Variants in LDB2 observed in about 807,000 individuals in gnomAD.
LDB2 encodes LIM domain-binding protein 2.
A neutral mutation model predicts 44.3 loss-of-function variants in LDB2; 12 were observed. The observed-to-expected ratio is 0.27, with a 90% CI of 0.17 to 0.44. LDB2 has a LOEUF of 0.44. Ranked by LOEUF, LDB2 falls within the 20% of genes least tolerant of loss-of-function variation. LDB2 has a pLI of 1.00. For synonymous variants in LDB2, 164 were observed against 174.8 expected, an observed-to-expected ratio of 0.94 and a Z score of 0.49; for missense variants, 344 against 473.5, an observed-to-expected ratio of 0.73 and a Z score of 2.54.
chr4:16,523,765 T>G (rs376260764), intron 5 of LDB2, among the ~76,000 whole-genome samples: 19 of 152,328 alleles, frequency 1.2e-4, no homozygotes, highest in East Asian at 1.2e-3. Context: ...AGTGTGGGGT[T>G]TCATCACGCT....
At chr4:16,536,347 G>A (rs1731857332) in intron 5 of LDB2, among the ~76,000 whole-genome samples, 1 of 152,138 alleles carries the variant, frequency 6.6e-6, no homozygotes, top group East Asian at 1.9e-4. Flanking sequence ...AAATGTCTGA[G>A]GGCTGTGGCT....
At chr4:16,681,661 C>T (rs1293744155) in intron 2 of LDB2, among the ~76,000 whole-genome samples, 4 of 106,978 alleles carry the variant, frequency 3.7e-5, no homozygotes, top group Non-Finnish European at 5.1e-5. Flanking sequence ...GAGTCTCGCT[C>T]TGTCACCCAG....
At chr4:16,614,456 G>A (rs1043171080) in intron 2 of LDB2, among the ~76,000 whole-genome samples, 14 of 151,834 alleles carry the variant, frequency 9.2e-5, no homozygotes, top group Admixed American at 1.3e-4. Flanking sequence ...GCACAGCAAA[G>A]GAAACTATCA....
At chr4:16,746,435 A>ATT (rs60434109) in intron 2 of LDB2, among the ~76,000 whole-genome samples, 33 of 151,526 alleles carry the variant, frequency 2.2e-4, no homozygotes, top group African/African-American at 6.8e-4. Context: ...GACAGTCTTG[A>ATT]TTTTTTTTTC....
In LDB2 at chr4:16,663,106, C is replaced by T. The variant is rs545265830; in HGVS notation, c.236-67231G>A. ...TTCTAGGGAGCTCAAAGCACTTCCT[C>T]TTGAATACTTCCTTTGGTTCTCACA... On this transcript the variant is annotated intron_variant, in intron 2 of 7. Transcript: ENST00000304523. Among the ~76,000 whole-genome samples, 191 of 152,220 alleles carry T rather than the reference C, an allele frequency of 1.3e-3. 1 individual carries two copies. Among genetic ancestry groups the T allele is most frequent in the Non-Finnish European group, 2.4e-3 (160 of 68,012 alleles).
chr4:16,616,438 G>C (rs1727355950), intron 2 of LDB2, among the ~76,000 whole-genome samples: 1 of 152,092 alleles, frequency 6.6e-6, no homozygotes. Context: ...AAGAAGGAAA[G>C]AAGGGTCAAT....
chr4:16,622,176 A>T (rs1729071754), intron 2 of LDB2, among the ~76,000 whole-genome samples: 1 of 152,200 alleles, frequency 6.6e-6, no homozygotes, highest in Non-Finnish European at 1.5e-5. Flanking sequence ...AGGGAAAGCT[A>T]CTCTGATATT....
chr4:16,803,815 A>G (rs1038786070), intron 1 of LDB2, among the ~76,000 whole-genome samples: 1 of 152,238 alleles, frequency 6.6e-6, no homozygotes, highest in African/African-American at 2.4e-5. Context: ...AACTTAGCAC[A>G]ATGTCAAGCA....
chr4:16,568,851 TAATTGAC>T (rs1745444368), intron 5 of LDB2, among the ~76,000 whole-genome samples: 1 of 152,164 alleles, frequency 6.6e-6, no homozygotes, highest in African/African-American at 2.4e-5. Context: ...TTGAAGTAAT[TAATTGAC>T]AAAGGATAAG....
intron 1 of LDB2, among the ~76,000 whole-genome samples, chr4:16,885,278 G>A (rs1302455724): frequency 2.0e-5 from 3 of 151,820 alleles, no homozygotes; most frequent in African/African-American, 2.4e-5. Context: ...AGGCTGCAGT[G>A]AGCCTGTGAT....
Position 16,586,050 on chromosome 4 carries a change from G to A in LDB2, c.532-45C>T, listed in dbSNP as rs754978296. ...CACATGTATTTTATCACTACAGGAC[G>A]GTCCTGAGAAAATCTCAGACTGTGC... is the stretch of plus-strand genomic sequence containing the variant. On this transcript the variant is annotated intron_variant, in intron 4 of 7. Coordinates refer to ENST00000304523, the MANE Select transcript of LDB2 (RefSeq NM_001290.5). The A allele has an allele frequency of 1.2e-5, 18 of 1,441,082 alleles. No homozygotes were observed. In the East Asian group the frequency reaches 1.4e-4, roughly 11 times the overall value. 89.3% of individuals were successfully genotyped at this position (1,441,082 alleles called of 1,614,324 possible).
At chr4:16,805,916 T>C (rs1333595961) in intron 1 of LDB2, among the ~76,000 whole-genome samples, 1 of 152,190 alleles carries the variant, frequency 6.6e-6, no homozygotes, top group Non-Finnish European at 1.5e-5. Flanking sequence ...CTCTCTTCTC[T>C]GACTGAAAAC....
intron 1 of LDB2, among the ~76,000 whole-genome samples, chr4:16,897,006 T>A (rs1725207546): frequency 6.6e-6 from 1 of 152,336 alleles, no homozygotes; most frequent in South Asian, 2.1e-4. Flanking sequence ...GTCTATGGTG[T>A]ATTAACATAT....
At chr4:16,738,771 G>T (rs1344042396) in intron 2 of LDB2, among the ~76,000 whole-genome samples, 1 of 152,202 alleles carries the variant, frequency 6.6e-6, no homozygotes, top group Non-Finnish European at 1.5e-5. Flanking sequence ...TAGAATGAAT[G>T]AATATGCGAA....
chr4:16,659,669 G>GTGTGTGTATATATATATA (rs1740942970), intron 2 of LDB2, among the ~76,000 whole-genome samples: 1 of 69,478 alleles, frequency 1.4e-5, no homozygotes, highest in Non-Finnish European at 3.2e-5. Context: ...ATATCTATGT[G>GTGTGTGTATATATATATA]TGTATATATA....
chr4:16,711,849 CT>C (rs1293385577), intron 2 of LDB2, among the ~76,000 whole-genome samples: 1 of 152,164 alleles, frequency 6.6e-6, no homozygotes, highest in Non-Finnish European at 1.5e-5. Flanking sequence ...AAAGAATAGT[CT>C]TTTTAACAAA....
At chr4:16,538,832 T>C (rs779992485) in intron 5 of LDB2, among the ~76,000 whole-genome samples, 1 of 152,222 alleles carries the variant, frequency 6.6e-6, no homozygotes, top group Non-Finnish European at 1.5e-5. Flanking sequence ...ATTTTTAATT[T>C]AATCATCATG....
intron 1 of LDB2, among the ~76,000 whole-genome samples, chr4:16,886,777 A>G (rs1721816523): frequency 6.6e-6 from 1 of 152,100 alleles, no homozygotes; most frequent in African/African-American, 2.4e-5. Context: ...TCACACCTGT[A>G]ATCCCAGCAC....
chr4:16,577,429 C>T (rs573464389), intron 5 of LDB2, among the ~76,000 whole-genome samples: 1 of 152,080 alleles, frequency 6.6e-6, no homozygotes, highest in African/African-American at 2.4e-5. Context: ...TCTATGCCAA[C>T]AGTGAACAAA....
Sources: allele counts gnomAD v4.1 joint callset (sites outside exome capture counted in the v4.1 genomes callset), GRCh38; gene constraint gnomAD v4.1.1; transcripts MANE v1.5; gene names NCBI Gene and HGNC (gene_info 2026-07-23, HGNC 2026-07-21).